MAP2K5: variants seen among roughly 807,000 people sequenced by gnomAD.
MAP2K5 encodes mitogen-activated protein kinase kinase 5, also known as dual specificity mitogen-activated protein kinase kinase 5.
A neutral mutation model predicts 83.1 loss-of-function variants in MAP2K5; 49 were observed. The observed-to-expected ratio is 0.59, with a 90% CI of 0.47 to 0.75. The LOEUF (loss-of-function observed/expected upper bound fraction) is 0.75, where lower values mean the gene tolerates loss of function less well. MAP2K5 is among the 30% of genes least tolerant of loss of function. The pLI is 0.00. For synonymous variants in MAP2K5, 202 were observed against 191.8 expected (o/e 1.05, Z -0.44); for missense variants, 457 against 557.5 (o/e 0.82, Z 1.82).
At chr15:67,550,505 T>C (rs1318641231) in intron 2 of MAP2K5, among the ~76,000 whole-genome samples, 1 of 152,238 alleles carries the variant, frequency 6.6e-6, no homozygotes, top group Non-Finnish European at 1.5e-5. Context: ...TAGTGGGGCT[T>C]AGCAGGGATG....
intron 6 of MAP2K5, among the ~76,000 whole-genome samples, chr15:67,588,410 A>G (rs2085329975): frequency 6.6e-6 from 1 of 152,166 alleles, no homozygotes; most frequent in African/African-American, 2.4e-5. Flanking sequence ...CCCAGTGCAC[A>G]CCAGGGACCT....
rs892033240 is a variant in MAP2K5 at position 67,750,208 on chromosome 15, A to G, written c.1134+1607A>G. 1.8e-4 allele frequency among the ~76,000 whole-genome samples: 28 copies of G among 152,294 alleles called. No homozygotes were observed. Among genetic ancestry groups the G allele is most frequent in the African/African-American group, 6.7e-4 (28 of 41,570 alleles). On this transcript the variant is annotated intron_variant, in intron 19 of 21. Transcript: ENST00000178640. The surrounding 1 kb of genome is among the most constrained non-coding windows in gnomAD (Gnocchi z 4.2). ...CAATAATGTGTAACTTAAATGATAT[A>G]TTTTTCTTCATAGCATTTCTTTCTT...
chr15:67,592,957 A>T lies in MAP2K5; in HGVS notation c.463A>T (p.Ile155Leu). The change falls in exon 7 of 22, where the codon ATA becomes TTA. Residue 155 changes from isoleucine to leucine, a missense_variant. Physicochemically the swap from Ile to Leu is conservative, Grantham distance 5. This residue lies in a region of MAP2K5 where 234 missense variants were observed against 243.6 expected (regional missense o/e 0.96). Coordinates refer to ENST00000178640, the MANE Select transcript of MAP2K5 (RefSeq NM_145160.3). ...GAAGTCTTCTGCTGAACTGAAAAAA[A>T]TACTAGCCAATGGCCAGGTAGGTAT... ...LKKSSAELKK[I>L]LANGQMNEQD... The T allele has an allele frequency of 1.2e-6, 2 of 1,606,738 alleles. No individual in the cohort carries two copies. Among genetic ancestry groups the T allele is most frequent in the Non-Finnish European group, 1.7e-6 (2 of 1,175,086 alleles).
intron 9 of MAP2K5, among the ~76,000 whole-genome samples, chr15:67,643,648 G>A (rs551802607): frequency 7.9e-5 from 12 of 152,086 alleles, no homozygotes; most frequent in East Asian, 5.8e-4. Context: ...GGGTTTCACC[G>A]TGTTAGCCAG....
At chr15:67,635,956 C>G (rs1288680754) in intron 9 of MAP2K5, among the ~76,000 whole-genome samples, 3 of 152,098 alleles carry the variant, frequency 2.0e-5, no homozygotes, top group Non-Finnish European at 4.4e-5. Flanking sequence ...TTAAAACTTC[C>G]TCTGCTTTCT....
chr15:67,792,584 T>C (rs2090537202), intron 21 of MAP2K5, among the ~76,000 whole-genome samples: 1 of 152,176 alleles, frequency 6.6e-6, no homozygotes, highest in Admixed American at 6.5e-5. Context: ...CTACCTGACC[T>C]TGCAACTACA....
In MAP2K5 at chr15:67,748,403, C is replaced by A; in HGVS notation, c.1101+146C>A. On this transcript the variant is annotated intron_variant, in intron 18 of 21. Transcript: ENST00000178640. This position sits in a 1 kb window ranked among gnomAD's most constrained non-coding sequence, Gnocchi z 4.0. ...TTAACTGCCTGTATTAGATTAGGTA[C>A]CATTAGAAATAATAGAACCTCCTGA... The A allele has an allele frequency of 1.2e-6, 1 of 832,958 alleles. No individual in the cohort carries two copies. Among genetic ancestry groups the A allele is most frequent in the Non-Finnish European group, 1.9e-6 (1 of 514,114 alleles). 51.6% of individuals were successfully genotyped at this position (832,958 alleles called of 1,614,324 possible).
At position 67,777,798 on chromosome 15, in the gene MAP2K5, C is replaced by T. The variant is rs1354999756; in HGVS notation, c.1242+5046C>T. 6.6e-6 allele frequency among the ~76,000 whole-genome samples: 1 copy of T among 152,156 alleles called. No homozygotes were observed. Among genetic ancestry groups the T allele is most frequent in the Admixed American group, 6.5e-5 (1 of 15,282 alleles). On this transcript the variant is annotated intron_variant, in intron 21 of 21. Coordinates refer to ENST00000178640, the MANE Select transcript of MAP2K5 (RefSeq NM_145160.3). The surrounding 1 kb of genome is among the most constrained non-coding windows in gnomAD (Gnocchi z 6.0). ...TAATGCCTGTTATTTTGTGCATCTC[C>T]TTGTACATTCCAGAGTAGGACATCC... is the stretch of plus-strand genomic sequence containing the variant.
Position 67,642,463 on chromosome 15 carries a change from A to G in MAP2K5, c.586-3768A>G, listed in dbSNP as rs761146845. On this transcript the variant is annotated intron_variant, in intron 9 of 21. Transcript: ENST00000178640. ...AGGCAGAATGTACATATTGAGGGCC[A>G]GAGCTAGAGATGAATTTTGATGGAG... 1.9e-6 allele frequency: 3 copies of G among 1,608,748 alleles called. No homozygotes were observed. In the Admixed American group the frequency reaches 5.0e-5, roughly 27 times the overall value.
At chr15:67,579,781 AC>A (rs1297004997) in intron 3 of MAP2K5, among the ~76,000 whole-genome samples, 1 of 152,202 alleles carries the variant, frequency 6.6e-6, no homozygotes, top group African/African-American at 2.4e-5. Flanking sequence ...CTAAAAAAAA[AC>A]TTTTAAAGAA....
chr15:67,581,527 A>G (rs1280736236), intron 4 of MAP2K5, among the ~76,000 whole-genome samples: 11 of 152,216 alleles, frequency 7.2e-5, no homozygotes, highest in Admixed American at 1.3e-4. Flanking sequence ...CCCGTTATAC[A>G]TTGCCCCACT....
Position 67,717,815 on chromosome 15 carries a change from G to A in MAP2K5, c.1045-10101G>A, listed in dbSNP as rs1475412378. Among the ~76,000 whole-genome samples the A allele has an allele frequency of 6.6e-6, 1 of 152,132 alleles. No individual in the cohort carries two copies. Among genetic ancestry groups the A allele is most frequent in the Non-Finnish European group, 1.5e-5 (1 of 68,022 alleles). ...TTCATGGCTAGCTTAGACTTCCTTT[G>A]TGGTGCCTGGTGTTCTAAGCTGTGA... On this transcript the variant is annotated intron_variant, in intron 16 of 21. Transcript: ENST00000178640. The surrounding 1 kb of genome is among the most constrained non-coding windows in gnomAD (Gnocchi z 4.1).
intron 8 of MAP2K5, among the ~76,000 whole-genome samples, chr15:67,624,188 T>A (rs1377537631): frequency 1.3e-5 from 2 of 151,182 alleles, no homozygotes; most frequent in Non-Finnish European, 3.0e-5. Context: ...AAATACAAAA[T>A]ATTAGCCAGG....
At chr15:67,711,247 A>G (rs533124851) in intron 16 of MAP2K5, among the ~76,000 whole-genome samples, 2 of 152,322 alleles carry the variant, frequency 1.3e-5, no homozygotes, top group East Asian at 3.9e-4. Flanking sequence ...GTTTCAGAAA[A>G]TAAAGATCAG....
chr15:67,601,722 A>G (rs1407932737), intron 8 of MAP2K5, among the ~76,000 whole-genome samples: 2 of 152,202 alleles, frequency 1.3e-5, no homozygotes, highest in Non-Finnish European at 2.9e-5. Context: ...GCCCTATTCT[A>G]TGACCATGAA....
intron 8 of MAP2K5, among the ~76,000 whole-genome samples, chr15:67,620,528 T>C (rs934404028): frequency 6.6e-6 from 1 of 151,986 alleles, no homozygotes; most frequent in Non-Finnish European, 1.5e-5. Context: ...GGAAATCTAG[T>C]AGGTAGGGAA....
At chr15:67,711,308 G>A (rs1287380108) in intron 16 of MAP2K5, among the ~76,000 whole-genome samples, 1 of 152,202 alleles carries the variant, frequency 6.6e-6, no homozygotes, top group Admixed American at 6.5e-5. Context: ...AGTGTTTGGA[G>A]AATAGATCAC....
chr15:67,799,037 C>T (rs1362408918), intron 21 of MAP2K5, among the ~76,000 whole-genome samples: 8 of 152,148 alleles, frequency 5.3e-5, no homozygotes, highest in South Asian at 2.1e-4. Context: ...GGCATGGTGG[C>T]GGACACCTGT....
chr15:67,580,465 T>G (rs2085154624), intron 3 of MAP2K5, among the ~76,000 whole-genome samples: 1 of 152,212 alleles, frequency 6.6e-6, no homozygotes, highest in Non-Finnish European at 1.5e-5. Flanking sequence ...ATGCTTTATG[T>G]GTCGTCTAAA....
Sources: gnomAD v4.1 joint callset for allele counts (sites outside exome capture counted in the v4.1 genomes callset) on GRCh38, gnomAD v4.1.1 for gene constraint, gnomAD v4.1.1 regional missense constraint, Gnocchi (gnomAD v3.1) non-coding constraint, MANE v1.5 for transcripts, NCBI Gene and HGNC (gene_info 2026-07-23, HGNC 2026-07-21) for gene names.